NFX1: variants seen among roughly 807,000 people sequenced by gnomAD.
NFX1 encodes the protein nuclear transcription factor, X-box binding 1.
A neutral mutation model predicts 137.2 loss-of-function variants in NFX1; 69 were observed. That is an observed-to-expected ratio of 0.50 (90% CI 0.41 to 0.61). The LOEUF is 0.61. NFX1 is among the 20% of genes least tolerant of loss of function. NFX1 has a pLI of 0.00. For synonymous variants in NFX1, 495 were observed against 474.1 expected, an observed-to-expected ratio of 1.04 and a Z score of -0.57; for missense variants, 1,167 against 1,391.0, an observed-to-expected ratio of 0.84 and a Z score of 2.56.
At chr9:33,355,056 G>A (rs1366956512) in intron 19 of NFX1, among the ~76,000 whole-genome samples, 164 bp downstream of exon 19, 1 of 152,144 alleles carries the variant, frequency 6.6e-6, no homozygotes, top group Non-Finnish European at 1.5e-5. Context: ...ATTGTCTTAA[G>A]GATAAACCAC....
In NFX1 at chr9:33,319,072, C is replaced by T. The variant is rs1157433047; in HGVS notation, c.1851C>T (p.Asp617=). The T allele has an allele frequency of 1.2e-6, 2 of 1,614,188 alleles. No individual in the cohort carries two copies. The highest frequency in any genetic ancestry group is 2.2e-5 in the South Asian group (2 of 91,088). ...GTAGTAGTCGGAAAACATGCATGGA[C>T]CCTGTGCCTTCATGTGGAAAAGTGT... The part of the protein sequence containing the change: ...LGSSSRKTCM[D]PVPSCGKVCG... Residue 617 remains aspartate (D), a synonymous_variant, in exon 9 of 24, where the codon GAC becomes GAT. Transcript: ENST00000379540.
intron 12 of NFX1, among the ~76,000 whole-genome samples, 173 bp from the exon 13 acceptor site, chr9:33,342,573 T>C (rs531631393): frequency 1.3e-5 from 2 of 152,362 alleles, no homozygotes; most frequent in South Asian, 4.1e-4. Context: ...ATGACGAATT[T>C]TGTTTTATCT....
intron 7 of NFX1, among the ~76,000 whole-genome samples, chr9:33,317,119 G>A (rs1822190335): frequency 6.6e-6 from 1 of 151,976 alleles, no homozygotes; most frequent in African/African-American, 2.4e-5. Flanking sequence ...TTTAGAACGG[G>A]GGAAAAAATT....
chr9:33,362,654 A>G (rs904067857), intron 19 of NFX1, among the ~76,000 whole-genome samples: 2 of 149,944 alleles, frequency 1.3e-5, no homozygotes, highest in African/African-American at 2.5e-5. Flanking sequence ...GTCAGTGGAT[A>G]TAAAGTTACA....
chr9:33,299,997 C>T (rs185449474), intron 2 of NFX1, among the ~76,000 whole-genome samples: 1 of 151,128 alleles, frequency 6.6e-6, no homozygotes, highest in East Asian at 1.9e-4. Context: ...AGTTGTGTGA[C>T]CTTGGATAAA....
chr9:33,352,248 A>G (rs1436898380), intron 16 of NFX1, among the ~76,000 whole-genome samples: 1 of 152,186 alleles, frequency 6.6e-6, no homozygotes, highest in African/African-American at 2.4e-5. Context: ...GGAGGGGGCT[A>G]TGAGAGCAGG....
chr9:33,358,366 T>C (rs1823881061), intron 19 of NFX1, among the ~76,000 whole-genome samples: 1 of 152,110 alleles, frequency 6.6e-6, no homozygotes, highest in Admixed American at 6.6e-5. Context: ...CCTTATGATC[T>C]GCCCGCCTCA....
At chr9:33,322,324 C>G (rs1394996489) in intron 9 of NFX1, among the ~76,000 whole-genome samples, 1 of 152,084 alleles carries the variant, frequency 6.6e-6, no homozygotes, top group Non-Finnish European at 1.5e-5. Flanking sequence ...GCATTGAGCC[C>G]TAGCTAGTTC....
At chr9:33,303,852 T>G (rs1821661634) in intron 4 of NFX1, among the ~76,000 whole-genome samples, 2 of 152,188 alleles carry the variant, frequency 1.3e-5, no homozygotes, top group Admixed American at 6.5e-5. Flanking sequence ...TTCCTGCCTT[T>G]TAATGACTAA....
rs144790540 is a variant in NFX1, at chr9:33,301,743, A to G, written c.1192+322A>G. On this transcript the variant is annotated intron_variant, in intron 3 of 23. Transcript: ENST00000379540. Reference sequence around the variant, plus strand: ...GATACATAAACAGAAGTGTGATTGCAGGATCATATGGTAATTCTATTTTTA... The same window carrying G: ...GATACATAAACAGAAGTGTGATTGCGGGATCATATGGTAATTCTATTTTTA... Among the ~76,000 whole-genome samples the G allele has an allele frequency of 3.9e-4, 58 of 150,366 alleles. No homozygotes were observed. The East Asian group carries it at 0.011, about 28-fold the overall frequency.
At chr9:33,295,876 CTCTT>C (rs1821337343) in intron 2 of NFX1, among the ~76,000 whole-genome samples, 1 of 152,180 alleles carries the variant, frequency 6.6e-6, no homozygotes, top group Admixed American at 6.5e-5. Context: ...CTTAATTTCT[CTCTT>C]TCAGTTCACC....
chr9:33,325,389 C>T (rs1024384377), intron 9 of NFX1, among the ~76,000 whole-genome samples: 5 of 146,374 alleles, frequency 3.4e-5, no homozygotes, highest in East Asian at 2.0e-4. Context: ...ACTGGCCGGG[C>T]GCGGTGGCTC....
At chr9:33,298,111 G>A (rs7019355) in intron 2 of NFX1, among the ~76,000 whole-genome samples, 8,775 of 152,248 alleles carry the variant, frequency 0.058, 282 homozygotes, top group East Asian at 0.094. Context: ...CAGGCAGAAA[G>A]CACTTAGATA....
chr9:33,354,906 G>T lies in NFX1; in HGVS notation c.2873+14G>T, dbSNP rs751013103. The T allele has an allele frequency of 3.2e-5, 51 of 1,613,604 alleles. No individual in the cohort carries two copies. Among genetic ancestry groups the T allele is most frequent in the Non-Finnish European group, 4.3e-5 (51 of 1,179,752 alleles). On this transcript the variant is annotated intron_variant, in intron 19 of 23. Transcript: ENST00000379540. The stretch of plus-strand genomic sequence containing the variant: ...GGAAAGGAAAAAGTAAGTAGTTGCA[G>T]CTGCTTTTTTAATCTCCTTGCCCTT...
At chr9:33,344,296 C>G (rs1321966622) in intron 14 of NFX1, 108 bp downstream of exon 14, 1 of 1,494,888 alleles carries the variant, frequency 6.7e-7, no homozygotes, top group Non-Finnish European at 9.1e-7. Flanking sequence ...ATGGCTGCCC[C>G]TTGCTCCCGG....
chr9:33,342,709 G>A, intron 12 of NFX1, 37 bp from the exon 13 acceptor site: 1 of 1,365,722 alleles, frequency 7.3e-7, no homozygotes, highest in African/African-American at 1.4e-5. Context: ...ATAAAATGAA[G>A]ACCATTTTAT....
intron 19 of NFX1, among the ~76,000 whole-genome samples, chr9:33,363,268 ATT>A (rs1161272886): frequency 3.2e-5 from 3 of 93,682 alleles, no homozygotes; most frequent in Non-Finnish European, 6.6e-5. Flanking sequence ...GAAATGTATT[ATT>A]ATTATTATTA....
At chr9:33,362,137 AC>A (rs1235984221) in intron 19 of NFX1, among the ~76,000 whole-genome samples, 33 of 151,914 alleles carry the variant, frequency 2.2e-4, no homozygotes, top group Admixed American at 1.0e-3. Context: ...AAAAAAAAAA[AC>A]AATTAGAAAA....
intron 23 of NFX1, among the ~76,000 whole-genome samples, chr9:33,367,859 A>G (rs1824214728): frequency 6.6e-6 from 1 of 152,220 alleles, no homozygotes; most frequent in Non-Finnish European, 1.5e-5. Context: ...CATAATTTCC[A>G]TGGTGTAGAT....
Sources: allele counts gnomAD v4.1 joint callset (sites outside exome capture counted in the v4.1 genomes callset), GRCh38; gene constraint gnomAD v4.1.1; transcripts MANE v1.5; gene names NCBI Gene and HGNC (gene_info 2026-07-23, HGNC 2026-07-21).